Variants in IL17REL observed in about 807,000 individuals in gnomAD.
IL17REL encodes the protein interleukin 17 receptor E like.
IL17REL carries 36 observed loss-of-function variants against 49.0 expected under a neutral mutation model. The observed-to-expected ratio is 0.73, with a 90% confidence interval of 0.56 to 0.97. The LOEUF is 0.97. Ranked by LOEUF, IL17REL falls within the 50% of genes least tolerant of loss-of-function variation. The pLI is 0.00. For synonymous variants in IL17REL, 206 were observed against 192.4 expected, an observed-to-expected ratio of 1.07 and a Z score of -0.58; for missense variants, 470 against 453.9, an observed-to-expected ratio of 1.04 and a Z score of -0.32.
At chr22:50,000,943 C>A (rs1261351805) in intron 2 of IL17REL, 80 bp from the exon 4 acceptor site, 12 of 1,292,550 alleles carry the variant, frequency 9.3e-6, no homozygotes. Context: ...GACCCTGTTC[C>A]TCTGCCTTCT....
At chr22:49,994,330 C>T (rs981100490), downstream of IL17REL, among the ~76,000 whole-genome samples, 3 of 95,656 alleles carry the variant, frequency 3.1e-5, no homozygotes, top group Non-Finnish European at 6.8e-5. Context: ...ACCTCAAATC[C>T]ACTCCCAGAG....
At chr22:50,001,266 C>T (rs867699518) in intron 1 of IL17REL, 35 bp from the exon 3 acceptor site, 1 of 910,852 alleles carries the variant, frequency 1.1e-6, no homozygotes, top group Non-Finnish European at 1.7e-6. Context: ...GCCTCGAGTT[C>T]CCTGGTGCTC....
chr22:50,002,669 A>AT (rs901773143), intron 1 of IL17REL, among the ~76,000 whole-genome samples: 2 of 151,806 alleles, frequency 1.3e-5, no homozygotes, highest in African/African-American at 4.8e-5. Flanking sequence ...TAATTTTTGT[A>AT]TTTTTAATAG....
Position 50,003,834 on chromosome 22 carries a change from C to T in IL17REL, c.-41-2603G>A, listed in dbSNP as rs985262646. 4.6e-5 allele frequency among the ~76,000 whole-genome samples: 7 copies of T among 152,244 alleles called. No individual in the cohort carries two copies. The South Asian group carries it at 1.4e-3, about 32-fold the overall frequency. ...AAACAAGACAAGGATCCCTGCTCTT[C>T]TCACTTCGACTCAATACTGCAGGGG... On this transcript the variant is annotated intron_variant, in intron 1 of 12. Transcript: ENST00000341280.
At chr22:49,993,468 TGCACTGGGCTGTGGGCGCTCCGTGTTGG>T (rs2061016278), downstream of IL17REL, among the ~76,000 whole-genome samples, 1 of 151,910 alleles carries the variant, frequency 6.6e-6, no homozygotes, top group Non-Finnish European at 1.5e-5. The surrounding 1 kb of genome is among the most constrained non-coding windows in gnomAD (Gnocchi z 6.0). Flanking sequence ...AGGCGGTGGG[TGCACTGGGCTGTGGGCGCTCCGTGTTGG>T]GTGCTGGGGC....
At chr22:50,000,915 C>CCCCG in intron 2 of IL17REL, 52 bp from the exon 4 acceptor site, 1 of 1,412,056 alleles carries the variant, frequency 7.1e-7, no homozygotes, top group Non-Finnish European at 9.5e-7. Context: ...CCGCCCCTGG[C>CCCCG]TCCGGACGGG....
chr22:49,998,210 C>T (rs1258411084), exon 8 of IL17REL: 1 of 1,612,288 alleles, frequency 6.2e-7, no homozygotes, highest in East Asian at 2.2e-5. Flanking sequence ...CCAGCACAGG[C>T]TCACATGGCC....
Position 49,996,971 on chromosome 22 carries a change from C to G in IL17REL, c.*44+23G>C. The G allele has an allele frequency of 5.4e-6, 7 of 1,288,882 alleles. No individual in the cohort carries two copies. In the South Asian group the frequency reaches 9.9e-5, roughly 18 times the overall value. 79.8% of individuals were successfully genotyped at this position (1,288,882 alleles called of 1,614,324 possible). A position where few individuals can be genotyped will look rare whatever the true frequency, so the allele number is the denominator to read the frequency against. ...CTGCAGTGGAGGAGATGGCTAGGGG[C>G]TGGGCACAGCAGCGACACCCACCTG... On this transcript the variant is annotated intron_variant, in intron 12 of 12. Coordinates refer to ENST00000341280, the Ensembl canonical transcript of IL17REL.
At chr22:49,997,105 G>A (rs754576149) in intron 11 of IL17REL, 31 bp from the exon 14 acceptor site, 50 of 1,564,776 alleles carry the variant, frequency 3.2e-5, no homozygotes, top group Non-Finnish European at 4.2e-5. Flanking sequence ...CACAGGCAAT[G>A]GGAGGAAGGG....
At chr22:49,991,813 C>T (rs569716822), downstream of IL17REL, among the ~76,000 whole-genome samples, 99 of 152,040 alleles carry the variant, frequency 6.5e-4, 1 homozygote, top group African/African-American at 2.1e-3. Flanking sequence ...GACAAGTGTC[C>T]GTCAATTCAG....
intron 10 of IL17REL, 73 bp downstream of exon 12, chr22:49,997,612 C>T: frequency 6.6e-7 from 1 of 1,518,484 alleles, no homozygotes; most frequent in Non-Finnish European, 9.1e-7. Context: ...TTCCACCTCC[C>T]TGACCAGCAC....
chr22:50,004,969 G>GAAA (rs2061100935), intron 1 of IL17REL, among the ~76,000 whole-genome samples: 1 of 65,256 alleles, frequency 1.5e-5, no homozygotes, highest in African/African-American at 6.8e-5. Flanking sequence ...AAACCAGAAA[G>GAAA]TAAAAAAAAA....
intron 1 of IL17REL, among the ~76,000 whole-genome samples, chr22:50,005,754 G>A (rs1043293670): frequency 3.6e-4 from 54 of 152,010 alleles, no homozygotes; most frequent in African/African-American, 1.2e-3. Flanking sequence ...GCAGTGAGCC[G>A]AGATTGCGCC....
At chr22:50,003,624 A>C (rs1169307761) in intron 1 of IL17REL, among the ~76,000 whole-genome samples, 1 of 151,916 alleles carries the variant, frequency 6.6e-6, no homozygotes, top group Non-Finnish European at 1.5e-5. Context: ...AAAACCACTT[A>C]TCATCTCAAT....
intron 9 of IL17REL, 76 bp from the exon 12 acceptor site, chr22:49,997,818 A>T: frequency 6.7e-7 from 1 of 1,503,380 alleles, no homozygotes; most frequent in South Asian, 1.1e-5. Flanking sequence ...AGGGACAGGG[A>T]CAGGCTGGGT....
intron 4 of IL17REL, 112 bp downstream of exon 6, chr22:50,000,084 G>T: frequency 8.5e-7 from 1 of 1,174,706 alleles, no homozygotes; most frequent in Non-Finnish European, 1.1e-6. Context: ...TTTGGGAGTC[G>T]CCCGCCCGAG....
At chr22:50,005,048 C>CA (rs2061101784) in intron 1 of IL17REL, among the ~76,000 whole-genome samples, 1 of 144,766 alleles carries the variant, frequency 6.9e-6, no homozygotes, top group African/African-American at 2.6e-5. Context: ...AGGACATATA[C>CA]AGAGTTAGTG....
chr22:49,997,924 T>C, intron 9 of IL17REL, 101 bp downstream of exon 11: 1 of 1,509,234 alleles, frequency 6.6e-7, no homozygotes, highest in Non-Finnish European at 9.1e-7. Context: ...CCTGGGAGGC[T>C]AGGCTCCAGG....
upstream of IL17REL, among the ~76,000 whole-genome samples, chr22:50,009,446 C>T (rs576938879): frequency 6.6e-6 from 1 of 152,260 alleles, no homozygotes; most frequent in South Asian, 2.1e-4. Context: ...GCACCAACGG[C>T]GTGGGAGCTG....
Sources: gnomAD v4.1 joint callset for allele counts (sites outside exome capture counted in the v4.1 genomes callset) on GRCh38, gnomAD v4.1.1 for gene constraint, Gnocchi (gnomAD v3.1) non-coding constraint, MANE v1.5 for transcripts, NCBI Gene and HGNC (gene_info 2026-07-23, HGNC 2026-07-21) for gene names.